Variants in PLEKHH2 observed in about 807,000 individuals in gnomAD.
PLEKHH2 encodes pleckstrin homology domain-containing family H member 2.
PLEKHH2 carries 129 observed loss-of-function variants against 187.9 expected under a neutral mutation model. The ratio of observed to expected loss-of-function variants is 0.69; its 90% CI spans 0.59 to 0.79. The LOEUF (loss-of-function observed/expected upper bound fraction) is 0.79. Among genes scored for constraint, PLEKHH2 ranks in the 30% least tolerant of loss-of-function variants. The pLI, the probability that PLEKHH2 is intolerant of heterozygous loss-of-function variation, is 0.00. For synonymous variants in PLEKHH2, 686 were observed against 605.6 expected, an observed-to-expected ratio of 1.13 and a Z score of -1.95; for missense variants, 2,076 against 1,751.2, an observed-to-expected ratio of 1.19 and a Z score of -3.31.
intron 2 of PLEKHH2, among the ~76,000 whole-genome samples, chr2:43,677,422 A>C (rs1203085087): frequency 2.6e-5 from 4 of 152,204 alleles, no homozygotes; most frequent in Non-Finnish European, 4.4e-5. Context: ...GCTGCCTTCA[A>C]GCATCTGTTT....
In PLEKHH2 at chr2:43,678,945, T is replaced by A. The variant is rs1389560188; in HGVS notation, c.186+20T>A. The A allele has an allele frequency of 1.3e-6, 2 of 1,582,124 alleles. No individual in the cohort carries two copies. The highest frequency in any genetic ancestry group is 1.1e-5 in the South Asian group (1 of 88,178). ...CAACAGGTAGAGTATAATTTTACTTTAAATTTTTTTTGCCTGTACTACTCA... is the reference window on the plus strand; with the variant it reads ...CAACAGGTAGAGTATAATTTTACTTAAAATTTTTTTTGCCTGTACTACTCA... On this transcript the variant is annotated intron_variant, in intron 3 of 29. Transcript: ENST00000282406.
At chr2:43,747,666 C>G (rs76744729) in intron 24 of PLEKHH2, among the ~76,000 whole-genome samples, 1 of 152,130 alleles carries the variant, frequency 6.6e-6, no homozygotes, top group African/African-American at 2.4e-5. Flanking sequence ...TGTTAACTGA[C>G]CAGCTCACAT....
intron 24 of PLEKHH2, among the ~76,000 whole-genome samples, chr2:43,752,386 A>C (rs564496105): frequency 1.3e-5 from 2 of 152,162 alleles, no homozygotes; most frequent in Non-Finnish European, 2.9e-5. Flanking sequence ...CTGGGTAAAG[A>C]GGAAAGAATG....
At chr2:43,642,972 C>T (rs1038549904) in intron 1 of PLEKHH2, among the ~76,000 whole-genome samples, 13 of 152,056 alleles carry the variant, frequency 8.5e-5, no homozygotes, top group African/African-American at 2.4e-4. Context: ...TAGTTCAAGA[C>T]GTAAAGATGC....
At chr2:43,676,965 G>T (rs561173791) in intron 2 of PLEKHH2, among the ~76,000 whole-genome samples, 189 of 152,142 alleles carry the variant, frequency 1.2e-3, no homozygotes, top group African/African-American at 4.4e-3. Flanking sequence ...TTTCCTCTTA[G>T]ATTTATTTTC....
At chr2:43,706,888 C>T (rs765649822) in intron 10 of PLEKHH2, among the ~76,000 whole-genome samples, 1 of 152,004 alleles carries the variant, frequency 6.6e-6, no homozygotes. Flanking sequence ...AAAATACATT[C>T]CCAAATTCCT....
intron 10 of PLEKHH2, 125 bp downstream of exon 10, chr2:43,706,541 T>C (rs1669667188): frequency 1.4e-6 from 1 of 707,728 alleles, no homozygotes; most frequent in African/African-American, 1.8e-5. Flanking sequence ...TAGAAAGTTT[T>C]ACAAGTTCAC....
chr2:43,642,310 G>T (rs905914307), intron 1 of PLEKHH2, among the ~76,000 whole-genome samples: 4 of 151,930 alleles, frequency 2.6e-5, no homozygotes, highest in Non-Finnish European at 4.4e-5. Context: ...ACTGACTTTT[G>T]TATGTTGATC....
At chr2:43,693,377 C>T (rs1257609478) in intron 4 of PLEKHH2, among the ~76,000 whole-genome samples, 4 of 152,096 alleles carry the variant, frequency 2.6e-5, no homozygotes, top group Non-Finnish European at 1.5e-5. Flanking sequence ...ATATTTGATG[C>T]CAATCCTTCT....
At chr2:43,718,490 A>T (rs1187322731) in intron 15 of PLEKHH2, among the ~76,000 whole-genome samples, 1 of 151,916 alleles carries the variant, frequency 6.6e-6, no homozygotes, top group Non-Finnish European at 1.5e-5. Flanking sequence ...GTGAGCTGAG[A>T]TGGCGCCACT....
chr2:43,742,611 C>A, intron 21 of PLEKHH2, 130 bp from the exon 22 acceptor site: 1 of 617,484 alleles, frequency 1.6e-6, no homozygotes, highest in Non-Finnish European at 2.4e-6. Context: ...TATTATCATT[C>A]AAAAAAAGTT....
At chr2:43,675,380 C>T (rs370033463) in intron 2 of PLEKHH2, 1 of 1,578,596 alleles carries the variant, frequency 6.3e-7, no homozygotes, top group South Asian at 1.2e-5. Context: ...AGGCCTCAGT[C>T]ATTTTCTGAA....
chr2:43,702,160 C>T (rs1009304510), intron 8 of PLEKHH2, among the ~76,000 whole-genome samples: 6 of 152,196 alleles, frequency 3.9e-5, no homozygotes, highest in Non-Finnish European at 7.3e-5. Context: ...GGTTGCAGGA[C>T]TCTTTTGGTT....
At chr2:43,643,679 C>T (rs913126772) in intron 1 of PLEKHH2, among the ~76,000 whole-genome samples, 5 of 152,222 alleles carry the variant, frequency 3.3e-5, no homozygotes, top group Admixed American at 3.3e-4. Context: ...TTCTTCATAA[C>T]TGAGGCTTTC....
At chr2:43,711,363 A>G (rs1010275680) in intron 14 of PLEKHH2, 2 of 985,308 alleles carry the variant, frequency 2.0e-6, no homozygotes, top group East Asian at 2.3e-4. Flanking sequence ...GTTAAGAATC[A>G]TTTGTAAGTT....
intron 2 of PLEKHH2, among the ~76,000 whole-genome samples, chr2:43,666,136 C>G (rs1409884913): frequency 6.7e-6 from 1 of 149,674 alleles, no homozygotes; most frequent in South Asian, 2.1e-4. Flanking sequence ...ATTCCGTGGG[C>G]GTAGGACCCT....
At chr2:43,645,849 C>T (rs1666158021) in intron 2 of PLEKHH2, among the ~76,000 whole-genome samples, 1 of 152,048 alleles carries the variant, frequency 6.6e-6, no homozygotes, top group Admixed American at 6.6e-5. Context: ...GAAGAACTTA[C>T]AGGTGGTTTC....
At chr2:43,641,042 C>A (rs992634639) in intron 1 of PLEKHH2, among the ~76,000 whole-genome samples, 1 of 151,582 alleles carries the variant, frequency 6.6e-6, no homozygotes, top group Non-Finnish European at 1.5e-5. Context: ...GTCTAACCGC[C>A]TCGGCCTCCC....
intron 2 of PLEKHH2, among the ~76,000 whole-genome samples, chr2:43,656,288 G>A (rs1322370911): frequency 6.6e-6 from 1 of 151,584 alleles, no homozygotes; most frequent in Non-Finnish European, 1.5e-5. Context: ...CATTTTTTTT[G>A]CCTCAAAACA....
Sources: gnomAD v4.1 joint callset for allele counts (sites outside exome capture counted in the v4.1 genomes callset) on GRCh38, gnomAD v4.1.1 for gene constraint, MANE v1.5 for transcripts, NCBI Gene and HGNC (gene_info 2026-07-23, HGNC 2026-07-21) for gene names.